DGKB: variants seen among roughly 807,000 people sequenced by gnomAD.
DGKB encodes 90 kDa diacylglycerol kinase.
In DGKB, 67 loss-of-function variants were observed where a neutral mutation model predicts 114.3. The observed-to-expected ratio is 0.59, with a 90% CI of 0.48 to 0.72. The LOEUF (loss-of-function observed/expected upper bound fraction) is 0.72. DGKB is among the 30% of genes least tolerant of loss of function. The probability of loss-of-function intolerance (pLI) is 0.00; values close to 1 mark genes in which losing one functional copy is unlikely to be tolerated. For missense variants in DGKB, 907 were observed against 975.2 expected (o/e 0.93, Z 0.93); for synonymous variants, 398 against 323.1 (o/e 1.23, Z -2.49).
At position 14,176,719 on chromosome 7, in the gene DGKB, A is replaced by C. The variant is rs1781792145; in HGVS notation, c.2304+120T>G. The C allele has an allele frequency of 7.4e-6, 11 of 1,484,664 alleles. 1 individual carries two copies. Among genetic ancestry groups the C allele is most frequent in the Non-Finnish European group, 9.8e-6 (11 of 1,120,224 alleles). The allele number at this position is 1,484,664 out of a possible 1,614,324, so 92.0% of individuals were successfully genotyped here. On this transcript the variant is annotated intron_variant, in intron 25 of 25. Transcript: ENST00000402815. ...GACACACACATAACAACAACAACAA[A>C]AAGACTATTTGCTGATAGGTTGAAA...
chr7:14,225,261 T>C (rs1012391330), intron 23 of DGKB, among the ~76,000 whole-genome samples: 3 of 152,082 alleles, frequency 2.0e-5, no homozygotes, highest in African/African-American at 4.8e-5. Context: ...ATGGGGACAA[T>C]AGTACAGTCT....
intron 12 of DGKB, among the ~76,000 whole-genome samples, chr7:14,675,151 G>C (rs1819628725): frequency 6.6e-6 from 1 of 152,048 alleles, no homozygotes; most frequent in Non-Finnish European, 1.5e-5. Flanking sequence ...ACCTATTTGT[G>C]TTTACAGCAA....
intron 2 of DGKB, among the ~76,000 whole-genome samples, chr7:14,803,702 G>A (rs1053206545): frequency 1.2e-4 from 18 of 151,876 alleles, no homozygotes; most frequent in African/African-American, 4.1e-4. Flanking sequence ...ATCTTTCCTC[G>A]TTCATTTGAT....
At chr7:14,287,334 G>GTATC (rs1562844201) in intron 23 of DGKB, among the ~76,000 whole-genome samples, 1 of 152,024 alleles carries the variant, frequency 6.6e-6, no homozygotes, top group Admixed American at 6.6e-5. Flanking sequence ...ACATTTCAGT[G>GTATC]TATCTCTTCT....
intron 1 of DGKB, among the ~76,000 whole-genome samples, chr7:14,848,054 T>A (rs1848874434): frequency 6.6e-6 from 1 of 152,212 alleles, no homozygotes; most frequent in South Asian, 2.1e-4. Flanking sequence ...GAAATATTTT[T>A]GTGCAGGAGA....
chr7:14,385,867 C>T (rs942904328), intron 21 of DGKB, among the ~76,000 whole-genome samples: 8 of 152,152 alleles, frequency 5.3e-5, no homozygotes, highest in Non-Finnish European at 8.8e-5. Context: ...GCTGCAATAA[C>T]GGTGATGTGA....
intron 23 of DGKB, among the ~76,000 whole-genome samples, chr7:14,319,371 G>A (rs56752869): frequency 6.6e-6 from 1 of 151,974 alleles, no homozygotes; most frequent in Admixed American, 6.5e-5. Flanking sequence ...ACATTACAGA[G>A]ATTTATAAAA....
chr7:14,367,108 A>G (rs534406842), intron 21 of DGKB, among the ~76,000 whole-genome samples: 27 of 152,058 alleles, frequency 1.8e-4, no homozygotes, highest in Non-Finnish European at 3.4e-4. Flanking sequence ...GTAGCAGTGA[A>G]CCTCAGCTCC....
chr7:14,568,891 G>C (rs1419119382), intron 20 of DGKB, among the ~76,000 whole-genome samples: 1 of 152,162 alleles, frequency 6.6e-6, no homozygotes, highest in African/African-American at 2.4e-5. Flanking sequence ...AAATCACTTT[G>C]TAACTAGACA....
At chr7:14,700,267 G>A (rs1453688429) in intron 7 of DGKB, among the ~76,000 whole-genome samples, 5 of 148,746 alleles carry the variant, frequency 3.4e-5, no homozygotes, top group Non-Finnish European at 7.4e-5. Flanking sequence ...AGGCTGGAGT[G>A]CAGTGGCACG....
intron 13 of DGKB, among the ~76,000 whole-genome samples, chr7:14,669,717 G>T (rs1004207737): frequency 1.3e-5 from 2 of 151,990 alleles, no homozygotes; most frequent in African/African-American, 2.4e-5. Flanking sequence ...CCTACAGGAG[G>T]CCCCAACAGA....
intron 13 of DGKB, among the ~76,000 whole-genome samples, chr7:14,656,461 C>G (rs913777449): frequency 1.3e-5 from 2 of 151,060 alleles, no homozygotes; most frequent in African/African-American, 4.9e-5. Flanking sequence ...GAATGATGGC[C>G]TAATTAATCT....
intron 20 of DGKB, among the ~76,000 whole-genome samples, chr7:14,507,668 C>T (rs1787304368): frequency 6.6e-6 from 1 of 152,134 alleles, no homozygotes; most frequent in African/African-American, 2.4e-5. Context: ...ATGTGATACC[C>T]CCTGAAGCAG....
intron 25 of DGKB, among the ~76,000 whole-genome samples, chr7:14,150,657 T>C (rs2128210965): frequency 6.6e-6 from 1 of 152,238 alleles, no homozygotes; most frequent in African/African-American, 2.4e-5. Flanking sequence ...CATCTTATTT[T>C]TGTTATCTTA....
At chr7:14,726,940 A>G (rs1001380177) in intron 5 of DGKB, among the ~76,000 whole-genome samples, 5 of 152,220 alleles carry the variant, frequency 3.3e-5, no homozygotes, top group Non-Finnish European at 7.3e-5. Flanking sequence ...CCAGGGGATC[A>G]AAGCAAGTGT....
intron 23 of DGKB, among the ~76,000 whole-genome samples, chr7:14,203,347 A>G (rs576254201): frequency 6.6e-6 from 1 of 152,082 alleles, no homozygotes; most frequent in African/African-American, 2.4e-5. Flanking sequence ...TTCACAGTAG[A>G]ACTTAAAGAT....
At chr7:14,478,298 T>G in intron 20 of DGKB, 73 bp from the exon 21 acceptor site, 1 of 871,706 alleles carries the variant, frequency 1.1e-6, no homozygotes, top group Non-Finnish European at 1.7e-6. Context: ...GTAGACTAAA[T>G]AAAAAAATAA....
intron 1 of DGKB, among the ~76,000 whole-genome samples, chr7:14,927,222 T>C (rs1784792096): frequency 6.6e-6 from 1 of 152,100 alleles, no homozygotes; most frequent in African/African-American, 2.4e-5. Flanking sequence ...AAGGAGACAG[T>C]AGTTCATTAG....
chr7:14,430,162 T>G (rs1166677689), intron 21 of DGKB, among the ~76,000 whole-genome samples: 1 of 152,188 alleles, frequency 6.6e-6, no homozygotes, highest in Non-Finnish European at 1.5e-5. Flanking sequence ...ATGGCTTCCT[T>G]GCACTTTCAC....
Sources: gnomAD v4.1 joint callset for allele counts (sites outside exome capture counted in the v4.1 genomes callset) on GRCh38, gnomAD v4.1.1 for gene constraint, MANE v1.5 for transcripts, NCBI Gene and HGNC (gene_info 2026-07-23, HGNC 2026-07-21) for gene names.